CYFIP2: variants seen among roughly 807,000 people sequenced by gnomAD.
CYFIP2 encodes the protein cytoplasmic FMR1-interacting protein 2.
A neutral mutation model predicts 158.7 loss-of-function variants in CYFIP2; 29 were observed. The observed-to-expected ratio is 0.18, with a 90% CI of 0.14 to 0.25. The LOEUF (loss-of-function observed/expected upper bound fraction) is 0.25, where lower values mean the gene tolerates loss of function less well. CYFIP2 is among the 10% of genes least tolerant of loss of function. The pLI is 1.00. For synonymous variants in CYFIP2, 585 were observed against 617.6 expected, an observed-to-expected ratio of 0.95 and a Z score of 0.78; for missense variants, 852 against 1,639.5, an observed-to-expected ratio of 0.52 and a Z score of 8.29.
intron 13 of CYFIP2, among the ~76,000 whole-genome samples, chr5:157,317,245 G>T (rs969003788): frequency 2.6e-5 from 4 of 151,522 alleles, no homozygotes; most frequent in African/African-American, 4.9e-5. Flanking sequence ...ACATTGGGAG[G>T]TTTTATCATT....
intron 3 of CYFIP2, among the ~76,000 whole-genome samples, chr5:157,293,409 C>T (rs1757993176): frequency 1.3e-5 from 2 of 152,170 alleles, no homozygotes; most frequent in South Asian, 4.1e-4. Flanking sequence ...AGCAGCAGTT[C>T]CTCAGTGAGA....
At chr5:157,327,856 G>A (rs762567573) in intron 18 of CYFIP2, 117 bp from the exon 19 acceptor site, 102 of 902,046 alleles carry the variant, frequency 1.1e-4, no homozygotes, top group Non-Finnish European at 1.6e-4. Flanking sequence ...CCTTCAAAGC[G>A]TCTTTCCCCA....
At chr5:157,287,154 T>G in intron 3 of CYFIP2, 46 bp downstream of exon 3, 2 of 1,534,126 alleles carry the variant, frequency 1.3e-6, no homozygotes, top group Non-Finnish European at 1.8e-6. Flanking sequence ...CCTGCTGGGC[T>G]GGCAGGGGCC....
At chr5:157,289,596 CCTT>C (rs1270143306) in intron 3 of CYFIP2, among the ~76,000 whole-genome samples, 1 of 152,294 alleles carries the variant, frequency 6.6e-6, no homozygotes, top group East Asian at 1.9e-4. Flanking sequence ...ATCTCTGGCA[CCTT>C]CTTTCTGTGT....
chr5:157,332,785 C>T (rs1159587473), intron 20 of CYFIP2, among the ~76,000 whole-genome samples: 4 of 152,198 alleles, frequency 2.6e-5, no homozygotes, highest in Non-Finnish European at 5.9e-5. Context: ...GCTAGGACTA[C>T]AGGCGTACAC....
chr5:157,352,699 G>GT (rs1455039085), intron 23 of CYFIP2, among the ~76,000 whole-genome samples: 3 of 152,180 alleles, frequency 2.0e-5, no homozygotes, highest in Non-Finnish European at 4.4e-5. Flanking sequence ...GGCTGAGAAT[G>GT]TTTCCCAAAG....
In CYFIP2 at chr5:157,294,684, G is replaced by A. The variant is rs1366393587; in HGVS notation, c.208-99G>A. The stretch of plus-strand genomic sequence containing the variant: ...TCCCCAAGTGATGTCCATGCTGTGG[G>A]TCCATGGACCATACCATAACTAGTG... On this transcript the variant is annotated intron_variant, in intron 3 of 30. Transcript: ENST00000620254. The A allele has an allele frequency of 7.7e-6, 7 of 904,064 alleles. No individual in the cohort carries two copies. In the African/African-American group the frequency reaches 9.8e-5, roughly 13 times the overall value. 56.0% of individuals were successfully genotyped at this position (904,064 alleles called of 1,614,324 possible). A position where few individuals can be genotyped will look rare whatever the true frequency, so the allele number is the denominator to read the frequency against.
At chr5:157,331,944 G>A (rs562797667) in intron 20 of CYFIP2, among the ~76,000 whole-genome samples, 5 of 152,290 alleles carry the variant, frequency 3.3e-5, no homozygotes, top group South Asian at 2.1e-4. Context: ...TAATGCCCGC[G>A]TGTACCCCAG....
At chr5:157,315,120 C>T in intron 13 of CYFIP2, 26 bp downstream of exon 13, 5 of 1,612,206 alleles carry the variant, frequency 3.1e-6, no homozygotes, top group East Asian at 2.2e-5. Context: ...CTGCATCTCC[C>T]TCCCTCCCCA....
At chr5:157,281,806 A>G (rs1757010000) in intron 1 of CYFIP2, among the ~76,000 whole-genome samples, 1 of 152,318 alleles carries the variant, frequency 6.6e-6, no homozygotes, top group South Asian at 2.1e-4. Context: ...CTATCTCTTA[A>G]CTGTTTTCCC....
rs1467885608 is a variant in CYFIP2 at position 157,311,086 on chromosome 5, AG to A, written c.993-573del. The A allele has an allele frequency of 3.7e-6, 1 of 273,656 alleles. No homozygotes were observed. The highest frequency in any genetic ancestry group is 1.4e-4 in the East Asian group (1 of 7,056). 17.0% of individuals were successfully genotyped at this position (273,656 alleles called of 1,614,324 possible). On this transcript the variant is annotated intron_variant, in intron 10 of 30. Transcript: ENST00000620254. The surrounding 1 kb of genome is among the most constrained non-coding windows in gnomAD (Gnocchi z 4.7). ...AAGAGGGTGGAAAGAGAAGGAGAGA[AG>A]GGGGCGAGAGGTAGAGGGGGTGGGT...
chr5:157,367,900 A>T (rs1052635128), intron 26 of CYFIP2, among the ~76,000 whole-genome samples: 3 of 151,958 alleles, frequency 2.0e-5, no homozygotes, highest in African/African-American at 4.8e-5. Context: ...GATTACAGGC[A>T]TGCACCACCA....
intron 7 of CYFIP2, among the ~76,000 whole-genome samples, chr5:157,303,493 C>G (rs948348992): frequency 5.3e-5 from 8 of 152,222 alleles, no homozygotes; most frequent in African/African-American, 1.9e-4. Context: ...TAAACAGTCT[C>G]TAGCAAGAAT....
chr5:157,266,174 C>G lies in CYFIP2; in HGVS notation c.-45C>G, dbSNP rs1755572752. ...CCCTGCGGTAGCCTCAGGCCCCTCCCCTGGACCCGCCGCAGAGCCAGGTAA... is the reference window on the plus strand; with the variant it reads ...CCCTGCGGTAGCCTCAGGCCCCTCCGCTGGACCCGCCGCAGAGCCAGGTAA... On this transcript the variant is annotated 5_prime_UTR_variant, in exon 1 of 31. Transcript: ENST00000620254. This position sits in a 1 kb window ranked among gnomAD's most constrained non-coding sequence, Gnocchi z 4.2. 6.6e-6 allele frequency: 1 copy of G among 150,810 alleles called. No homozygotes were observed. The highest frequency in any genetic ancestry group is 1.5e-5 in the Non-Finnish European group (1 of 67,610). 9.3% of individuals were successfully genotyped at this position (150,810 alleles called of 1,614,324 possible).
chr5:157,369,748 C>T (rs1235169876), intron 26 of CYFIP2, among the ~76,000 whole-genome samples: 1 of 152,156 alleles, frequency 6.6e-6, no homozygotes, highest in Non-Finnish European at 1.5e-5. Flanking sequence ...CGCCAAGCAC[C>T]AGGGAGGCAG....
At chr5:157,374,512 T>C (rs868551626) in intron 26 of CYFIP2, among the ~76,000 whole-genome samples, 14 of 152,098 alleles carry the variant, frequency 9.2e-5, no homozygotes, top group African/African-American at 2.9e-4. Context: ...GACAAGATGG[T>C]ATCATTGTCT....
intron 23 of CYFIP2, among the ~76,000 whole-genome samples, chr5:157,351,471 A>C (rs1763066813): frequency 6.6e-6 from 1 of 152,260 alleles, no homozygotes; most frequent in South Asian, 2.1e-4. Context: ...CATACAACTC[A>C]GAAACTTGGG....
intron 21 of CYFIP2, among the ~76,000 whole-genome samples, chr5:157,334,031 C>G (rs1368247962): frequency 6.6e-6 from 1 of 152,164 alleles, no homozygotes; most frequent in African/African-American, 2.4e-5. Flanking sequence ...ACTGGTTGTT[C>G]TTTCAGTGAA....
At position 157,304,452 on chromosome 5, in the gene CYFIP2, G is replaced by A; in HGVS notation, c.795+86G>A. The A allele has an allele frequency of 5.4e-6, 8 of 1,469,080 alleles. 1 individual carries two copies. The highest frequency in any genetic ancestry group is 7.4e-6 in the Non-Finnish European group (8 of 1,085,318). 91.0% of individuals were successfully genotyped at this position (1,469,080 alleles called of 1,614,324 possible). A position where few individuals can be genotyped will look rare whatever the true frequency, so the allele number is the denominator to read the frequency against. ...TTAAAAATCCGTTTTAAAAAACAAT[G>A]TTTCTTTTTTCTTAAACATTGATAC... On this transcript the variant is annotated intron_variant, in intron 8 of 30. Coordinates refer to ENST00000620254, the MANE Select transcript of CYFIP2 (RefSeq NM_001037333.3).
Sources: allele counts gnomAD v4.1 joint callset (sites outside exome capture counted in the v4.1 genomes callset), GRCh38; gene constraint gnomAD v4.1.1; non-coding constraint Gnocchi (gnomAD v3.1); transcripts MANE v1.5; gene names NCBI Gene and HGNC (gene_info 2026-07-23, HGNC 2026-07-21).